Variants in RIMKLB observed in about 807,000 individuals in gnomAD.
The protein encoded by RIMKLB is beta-citrylglutamate synthase B.
In RIMKLB, 7 loss-of-function variants were observed where a neutral mutation model predicts 32.0. The observed-to-expected ratio is 0.22, with a 90% CI of 0.12 to 0.41. The LOEUF (loss-of-function observed/expected upper bound fraction) is 0.41, where lower values mean the gene tolerates loss of function less well. Among genes scored for constraint, RIMKLB ranks in the 10% least tolerant of loss-of-function variants. The pLI, the probability that RIMKLB is intolerant of heterozygous loss-of-function variation, is 1.00. For missense variants in RIMKLB, 289 were observed against 498.7 expected, an observed-to-expected ratio of 0.58 and a Z score of 4.00; for synonymous variants, 172 against 185.1, an observed-to-expected ratio of 0.93 and a Z score of 0.57.
At chr12:8,707,303 A>T (rs1464050461) in intron 1 of RIMKLB, among the ~76,000 whole-genome samples, 2 of 152,134 alleles carry the variant, frequency 1.3e-5, no homozygotes, top group Non-Finnish European at 2.9e-5. Context: ...TGGAGTTCCC[A>T]CCAACCCTGT....
At chr12:8,714,925 T>C (rs1944682203) in intron 2 of RIMKLB, among the ~76,000 whole-genome samples, 1 of 152,160 alleles carries the variant, frequency 6.6e-6, no homozygotes, top group Non-Finnish European at 1.5e-5. Context: ...AATTTCCTCA[T>C]CAATGAAATG....
chr12:8,726,646 G>T (rs1946036160), intron 2 of RIMKLB, among the ~76,000 whole-genome samples: 1 of 149,752 alleles, frequency 6.7e-6, no homozygotes, highest in African/African-American at 2.5e-5. Flanking sequence ...AAGTTTACTG[G>T]GCCATTTTAT....
downstream of RIMKLB, among the ~76,000 whole-genome samples, chr12:8,781,419 G>GA (rs1164853907): frequency 1.4e-4 from 21 of 151,860 alleles, 1 homozygote; most frequent in East Asian, 3.8e-4. Flanking sequence ...AGTATAATTG[G>GA]AAAAAAAATT....
chr12:8,718,653 CTATA>C (rs369394381), intron 2 of RIMKLB, among the ~76,000 whole-genome samples: 1,610 of 138,384 alleles, frequency 0.012, 22 homozygotes, highest in African/African-American at 0.022. Context: ...CTCTCTCTCT[CTATA>C]TATATATATA....
At chr12:8,677,708 G>A (rs1331968464), upstream of RIMKLB, among the ~76,000 whole-genome samples, 5 of 151,002 alleles carry the variant, frequency 3.3e-5, no homozygotes, top group Non-Finnish European at 7.4e-5. Flanking sequence ...TTTATGTTGT[G>A]TCATCAGAGC....
the RIMKLB span, among the ~76,000 whole-genome samples, chr12:8,672,879 G>A: frequency 7.9e-5 from 12 of 152,280 alleles, no homozygotes; most frequent in African/African-American, 2.9e-4. Flanking sequence ...TGTATAGCCT[G>A]TGGAATCATA....
At chr12:8,746,589 ACT>A (rs1239892910) in intron 2 of RIMKLB, among the ~76,000 whole-genome samples, 5 of 139,844 alleles carry the variant, frequency 3.6e-5, no homozygotes, top group Non-Finnish European at 6.1e-5. Context: ...CAGAGTTGAG[ACT>A]CTGTCTCAAA....
At position 8,689,650 on chromosome 12, in the gene RIMKLB, TC is replaced by T. The variant is rs1346641809; in HGVS notation, n.219+7833del. Among the ~76,000 whole-genome samples the T allele has an allele frequency of 3.3e-5, 5 of 152,178 alleles. No homozygotes were observed. In the East Asian group the frequency reaches 9.6e-4, roughly 29 times the overall value. ...GATTAAAGTCTCCTTCACTTTTTCC[TC>T]ACCTTTCTCTCTTTTATTGAAATCA... is the stretch of plus-strand genomic sequence containing the variant. On this transcript the variant is annotated intron_variant and non_coding_transcript_variant, in intron 1 of 1. Coordinates refer to the RIMKLB transcript ENST00000538758.
upstream of RIMKLB, among the ~76,000 whole-genome samples, chr12:8,677,191 G>A (rs1227583393): frequency 6.6e-6 from 1 of 152,162 alleles, no homozygotes; most frequent in South Asian, 2.1e-4. Flanking sequence ...TAAATGTTGA[G>A]CAAGCTAAAT....
Position 8,774,869 on chromosome 12 carries a change from AGTATATGT to A in RIMKLB, c.*1090_*1097del. The A allele has an allele frequency of 1.0e-6, 1 of 985,514 alleles. No individual in the cohort carries two copies. 61.0% of individuals were successfully genotyped at this position (985,514 alleles called of 1,614,324 possible). A position where few individuals can be genotyped will look rare whatever the true frequency, so the allele number is the denominator to read the frequency against. On this transcript the variant is annotated 3_prime_UTR_variant, in exon 6 of 6. Coordinates refer to ENST00000535829, the MANE Select transcript of RIMKLB (RefSeq NM_001297776.2). The stretch of plus-strand genomic sequence containing the variant: ...TTGCATTTTTCACATTTTACGAGGG[AGTATATGT>A]GTATGTGTGTGCACGCATGCATGTG...
At chr12:8,689,699 TC>T (rs1344027457) in intron 1 of RIMKLB, among the ~76,000 whole-genome samples, 1 of 152,126 alleles carries the variant, frequency 6.6e-6, no homozygotes, top group African/African-American at 2.4e-5. Flanking sequence ...TTTGTCTTTC[TC>T]CCCAGTCCTT....
chr12:8,760,931 C>T (rs1949468746), intron 5 of RIMKLB, among the ~76,000 whole-genome samples: 1 of 152,080 alleles, frequency 6.6e-6, no homozygotes, highest in Non-Finnish European at 1.5e-5. Flanking sequence ...GCTGTGCCAT[C>T]TTGGCATCTT....
rs1322685072 is a variant in RIMKLB, at chr12:8,699,398, T to G, written c.-57+1101T>G. Among the ~76,000 whole-genome samples the G allele has an allele frequency of 6.6e-5, 10 of 152,332 alleles. No individual in the cohort carries two copies. The East Asian group carries it at 1.9e-3, about 29-fold the overall frequency. On this transcript the variant is annotated intron_variant, in intron 1 of 5. Coordinates refer to ENST00000535829, the MANE Select transcript of RIMKLB (RefSeq NM_001297776.2). Reference sequence around the variant, plus strand: ...TATTGGGTACCTTAAAGGTCATTTCTTCTATTTTAAAAAATGATTTCTTAA... The same window carrying G: ...TATTGGGTACCTTAAAGGTCATTTCGTCTATTTTAAAAAATGATTTCTTAA...
chr12:8,724,439 C>G (rs893562096), intron 2 of RIMKLB, among the ~76,000 whole-genome samples: 8 of 151,844 alleles, frequency 5.3e-5, no homozygotes. Context: ...GTCCTTTTTT[C>G]TGATTTTTTT....
intron 1 of RIMKLB, among the ~76,000 whole-genome samples, chr12:8,686,491 C>T (rs12296571): frequency 0.049 from 7,170 of 146,512 alleles, 507 homozygotes; most frequent in African/African-American, 0.16. Flanking sequence ...GGTTTTCTTT[C>T]GTTTTTGAGA....
chr12:8,773,747 A>G lies in RIMKLB; in HGVS notation c.1124A>G (p.Gln375Arg). ...KLPGGLFNMN[Q>R]LLANEIKLLV... is the part of the protein sequence containing the mutation. ...CCAGGGGGCCTGTTCAACATGAACC[A>G]GCTGCTAGCCAATGAAATCAAACTA... The change falls in exon 6 of 6, where the codon CAG becomes CGG. Residue 375 changes from glutamine (Q) to arginine (R), a missense_variant. Around this residue, in one of 3 missense-constraint regions of RIMKLB, gnomAD observed 99 missense variants for 133.9 expected, o/e 0.74. Coordinates refer to ENST00000535829, the MANE Select transcript of RIMKLB (RefSeq NM_001297776.2). 6.2e-7 allele frequency: 1 copy of G among 1,613,982 alleles called. No homozygotes were observed. Among genetic ancestry groups the G allele is most frequent in the Non-Finnish European group, 8.5e-7 (1 of 1,179,820 alleles).
intron 1 of RIMKLB, among the ~76,000 whole-genome samples, chr12:8,684,641 T>C (rs776192880): frequency 2.0e-5 from 3 of 152,138 alleles, no homozygotes; most frequent in Non-Finnish European, 2.9e-5. Context: ...CACTTTTATT[T>C]TTTGAGACAG....
At position 8,776,136 on chromosome 12, in the gene RIMKLB, T is replaced by TA. The variant is rs1950711713; in HGVS notation, c.*2354dup. 12 of 985,192 alleles carry TA rather than the reference T, an allele frequency of 1.2e-5. No homozygotes were observed. Among genetic ancestry groups the TA allele is most frequent in the Non-Finnish European group, 1.4e-5 (12 of 829,708 alleles). 61.0% of individuals were successfully genotyped at this position (985,192 alleles called of 1,614,324 possible). ...GTAGTTCATGTTTGTGTTGGTGGGG[T>TA]AAGGCATCAGGAAAAATGTAGTTAG... On this transcript the variant is annotated 3_prime_UTR_variant, in exon 6 of 6. Coordinates refer to ENST00000535829, the MANE Select transcript of RIMKLB (RefSeq NM_001297776.2).
chr12:8,750,446 G>A (rs1024867645), intron 3 of RIMKLB, among the ~76,000 whole-genome samples: 8 of 152,108 alleles, frequency 5.3e-5, no homozygotes, highest in Non-Finnish European at 1.2e-4. Context: ...CAGCTGATAG[G>A]TCAAATTTGA....
Sources: allele counts gnomAD v4.1 joint callset (sites outside exome capture counted in the v4.1 genomes callset), GRCh38; gene constraint gnomAD v4.1.1; regional missense constraint gnomAD v4.1.1; transcripts MANE v1.5; gene names NCBI Gene and HGNC (gene_info 2026-07-23, HGNC 2026-07-21).